Variants in TNRC6C observed in about 807,000 individuals in gnomAD.
TNRC6C encodes trinucleotide repeat-containing gene 6C protein.
TNRC6C carries 20 observed loss-of-function variants against 153.7 expected under a neutral mutation model. That is an observed-to-expected ratio of 0.13 (90% confidence interval 0.09 to 0.19). TNRC6C has a LOEUF of 0.19. TNRC6C is among the 10% of genes least tolerant of loss of function. The pLI is 1.00. For missense variants in TNRC6C, 1,987 were observed against 2,172.0 expected (o/e 0.91, Z 1.69); for synonymous variants, 811 against 841.4 (o/e 0.96, Z 0.63).
chr17:78,082,854 CT>C (rs1433987718), intron 10 of TNRC6C, among the ~76,000 whole-genome samples, 192 bp from the exon 13 acceptor site: 1 of 152,162 alleles, frequency 6.6e-6, no homozygotes, highest in Non-Finnish European at 1.5e-5. Flanking sequence ...CTTGCATTGT[CT>C]TTACACAGTC....
intron 1 of TNRC6C, among the ~76,000 whole-genome samples, chr17:77,994,651 T>G (rs959168929): frequency 6.6e-6 from 1 of 152,220 alleles, no homozygotes; most frequent in Non-Finnish European, 1.5e-5. Context: ...GCTGGGACTT[T>G]GTCCTTTCTT....
intron 17 of TNRC6C, 66 bp from the exon 21 acceptor site, chr17:78,102,408 G>C: frequency 6.9e-7 from 1 of 1,439,126 alleles, no homozygotes; most frequent in Non-Finnish European, 9.6e-7. Flanking sequence ...ACAATAAGAA[G>C]TGGGGAGGGC....
Position 78,093,962 on chromosome 17 carries a change from T to A in TNRC6C, c.4306+199T>A, listed in dbSNP as rs993298049. The stretch of plus-strand genomic sequence containing the variant: ...AATGGAAATCAATTTGAGTTTCTGC[T>A]GGATTTTTTATTATTATTACTTTTT... On this transcript the variant is annotated intron_variant, in intron 16 of 19. Coordinates refer to ENST00000301624, the Ensembl canonical transcript of TNRC6C. Among the ~76,000 whole-genome samples, 4 of 151,072 alleles carry A rather than the reference T, an allele frequency of 2.6e-5. No homozygotes were observed. The South Asian group carries it at 6.3e-4, about 24-fold the overall frequency.
chr17:78,081,745 T>C (rs902167242), intron 10 of TNRC6C, among the ~76,000 whole-genome samples: 18 of 152,094 alleles, frequency 1.2e-4, no homozygotes, highest in African/African-American at 3.9e-4. Flanking sequence ...CTGCACCCAG[T>C]CTGAGAGGCA....
exon 20 of TNRC6C, chr17:78,108,703 T>C (rs1378291821): frequency 6.5e-6 from 1 of 154,332 alleles, no homozygotes. Flanking sequence ...TGGGCCTGGG[T>C]GTCCAGGGCA....
chr17:77,997,914 A>G (rs2071354130), intron 1 of TNRC6C, among the ~76,000 whole-genome samples: 1 of 152,094 alleles, frequency 6.6e-6, no homozygotes, highest in Non-Finnish European at 1.5e-5. Context: ...TCGGCCTCCC[A>G]ACGTGCTGGG....
At position 78,031,851 on chromosome 17, in the gene TNRC6C, C is replaced by A. The variant is rs905590628; in HGVS notation, c.-219+9C>A. The A allele has an allele frequency of 1.9e-5, 23 of 1,232,128 alleles. 1 individual carries two copies. Among genetic ancestry groups the A allele is most frequent in the Non-Finnish European group, 2.2e-5 (22 of 987,994 alleles). The allele number at this position is 1,232,128 out of a possible 1,614,324, so 76.3% of individuals were successfully genotyped here. The stretch of plus-strand genomic sequence containing the variant: ...CAGTAAGCTCCAACCAGGTAAAAAC[C>A]ACATAGGATGAGACATTGTTTTGAT... On this transcript the variant is annotated intron_variant, in intron 2 of 19. Coordinates refer to ENST00000301624, the Ensembl canonical transcript of TNRC6C.
At chr17:78,084,647 T>G (rs2073247079) in intron 11 of TNRC6C, among the ~76,000 whole-genome samples, 1 of 145,180 alleles carries the variant, frequency 6.9e-6, no homozygotes, top group African/African-American at 2.6e-5. Context: ...TGAGACGGCG[T>G]CTTGCTAGTC....
chr17:78,065,510 T>C (rs139480453), intron 4 of TNRC6C, among the ~76,000 whole-genome samples: 1 of 152,348 alleles, frequency 6.6e-6, no homozygotes, highest in East Asian at 1.9e-4. Flanking sequence ...ATTCTCCTGG[T>C]AATACCCACA....
intron 2 of TNRC6C, among the ~76,000 whole-genome samples, chr17:78,042,955 A>G (rs2072330364): frequency 6.6e-6 from 1 of 152,084 alleles, no homozygotes; most frequent in African/African-American, 2.4e-5. Context: ...TGTATGTATA[A>G]TTTTCAGAGA....
chr17:77,989,398 A>G (rs2071217837), intron 1 of TNRC6C, among the ~76,000 whole-genome samples: 1 of 152,220 alleles, frequency 6.6e-6, no homozygotes, highest in African/African-American at 2.4e-5. Flanking sequence ...GTTGTAATAT[A>G]TGCTGAGTTT....
chr17:77,967,269 A>C (rs74748875), intron 1 of TNRC6C, among the ~76,000 whole-genome samples: 6,638 of 152,184 alleles, frequency 0.044, 467 homozygotes, highest in African/African-American at 0.15. Context: ...ATAATTTCTT[A>C]AGATTTGAGT....
At chr17:78,077,024 C>T (rs117607986) in intron 8 of TNRC6C, 161 bp from the exon 11 acceptor site, 22,510 of 726,604 alleles carry the variant, frequency 0.031, 467 homozygotes, top group Non-Finnish European at 0.039. Context: ...TTTTCTTTTT[C>T]CCCTCTTCCT....
In TNRC6C at chr17:78,049,112, C is replaced by A. The variant is rs1176734539; in HGVS notation, c.50C>A (p.Thr17Lys). ...AACTTCACTGGACATACCAAGAAGA[C>A]AAATGGCAATAATGGCACCAATGGC... is the stretch of plus-strand genomic sequence containing the variant. Residue 17 changes from threonine to lysine, a missense_variant, in exon 3 of 20, where the codon ACA (threonine) becomes AAA (lysine). Thr to Lys is a moderately conservative substitution (Grantham distance 78, BLOSUM62 -1). Coordinates refer to ENST00000301624, the Ensembl canonical transcript of TNRC6C. This position sits in a 1 kb window ranked among gnomAD's most constrained non-coding sequence, Gnocchi z 4.1. 6.3e-7 allele frequency: 1 copy of A among 1,583,856 alleles called. No individual in the cohort carries two copies. Among genetic ancestry groups the A allele is most frequent in the Non-Finnish European group, 8.6e-7 (1 of 1,164,350 alleles).
At chr17:78,013,338 C>A (rs995827069) in intron 1 of TNRC6C, among the ~76,000 whole-genome samples, 1 of 152,132 alleles carries the variant, frequency 6.6e-6, no homozygotes, top group African/African-American at 2.4e-5. Context: ...GGAGAGAGGG[C>A]TGGAGGCAGC....
At chr17:77,987,791 T>C (rs1444709724) in intron 1 of TNRC6C, among the ~76,000 whole-genome samples, 1 of 152,160 alleles carries the variant, frequency 6.6e-6, no homozygotes, top group Non-Finnish European at 1.5e-5. Context: ...GCGATTCTCC[T>C]GCTTCACCCT....
At chr17:78,024,768 C>T (rs1212437523) in intron 1 of TNRC6C, among the ~76,000 whole-genome samples, 4 of 151,854 alleles carry the variant, frequency 2.6e-5, no homozygotes, top group South Asian at 2.1e-4. Context: ...TTGTGTGGAA[C>T]ATTTGATACA....
At chr17:77,964,413 C>T (rs1052983414) in intron 1 of TNRC6C, among the ~76,000 whole-genome samples, 5 of 152,158 alleles carry the variant, frequency 3.3e-5, no homozygotes, top group African/African-American at 1.2e-4. Flanking sequence ...TGTCTTTTGA[C>T]GTGGCTAATA....
At chr17:78,087,309 G>T (rs1401880648) in intron 13 of TNRC6C, among the ~76,000 whole-genome samples, 1 of 151,798 alleles carries the variant, frequency 6.6e-6, no homozygotes, top group African/African-American at 2.4e-5. Context: ...GAGAGATGGG[G>T]GTCTCACCAT....
Sources: gnomAD v4.1 joint callset for allele counts (sites outside exome capture counted in the v4.1 genomes callset) on GRCh38, gnomAD v4.1.1 for gene constraint, Gnocchi (gnomAD v3.1) non-coding constraint, MANE v1.5 for transcripts, NCBI Gene and HGNC (gene_info 2026-07-23, HGNC 2026-07-21) for gene names.